The following STK32B variants were observed in gnomAD, a reference collection of about 807,000 sequenced individuals.
STK32B encodes the protein serine/threonine-protein kinase 32B.
Under a neutral mutation model 52.6 loss-of-function variants are expected in STK32B, and 43 were observed. That is an observed-to-expected ratio of 0.82 (90% confidence interval 0.64 to 1.05). The LOEUF (loss-of-function observed/expected upper bound fraction) is 1.05. Ranked by LOEUF, STK32B falls within the 50% of genes least tolerant of loss-of-function variation. The pLI, the probability that STK32B is intolerant of heterozygous loss-of-function variation, is 0.00. For synonymous variants in STK32B, 238 were observed against 204.3 expected (o/e 1.17, Z -1.41); for missense variants, 621 against 534.6 (o/e 1.16, Z -1.59).
intron 6 of STK32B, among the ~76,000 whole-genome samples, chr4:5,439,134 G>A (rs1304041263): frequency 2.0e-5 from 3 of 147,220 alleles, no homozygotes; most frequent in Non-Finnish European, 4.5e-5. Flanking sequence ...GGGATGGCTG[G>A]GTCAAATGGT....
At chr4:5,147,785 T>C (rs763923368) in intron 2 of STK32B, among the ~76,000 whole-genome samples, 3 of 152,020 alleles carry the variant, frequency 2.0e-5, no homozygotes, top group Non-Finnish European at 2.9e-5. Context: ...TGATACCTTA[T>C]TCTTTTTATG....
At chr4:5,352,973 A>C (rs1733935251) in intron 4 of STK32B, among the ~76,000 whole-genome samples, 1 of 152,196 alleles carries the variant, frequency 6.6e-6, no homozygotes, top group South Asian at 2.1e-4. Context: ...CATAAAGGAC[A>C]AAGCTTGAGG....
chr4:5,316,816 A>G (rs796658046), intron 3 of STK32B, among the ~76,000 whole-genome samples: 13 of 5,724 alleles, frequency 2.3e-3, no homozygotes, highest in South Asian at 8.2e-3. Flanking sequence ...TATATTATAT[A>G]TTATATCATA....
chr4:5,354,525 C>T lies in STK32B; in HGVS notation c.434+23132C>T, dbSNP rs550523021. On this transcript the variant is annotated intron_variant, in intron 4 of 11. Transcript: ENST00000282908. ...AGGTGATCCGCCCACCTTGACCTCTCAAAGTGCTGGGATTACAGGCGTGAC... is the reference window on the plus strand; with the variant it reads ...AGGTGATCCGCCCACCTTGACCTCTTAAAGTGCTGGGATTACAGGCGTGAC... Among the ~76,000 whole-genome samples the T allele has an allele frequency of 2.6e-5, 4 of 152,346 alleles. No individual in the cohort carries two copies. In the East Asian group the frequency reaches 7.7e-4, roughly 29 times the overall value.
chr4:5,220,264 T>A (rs902181758), intron 3 of STK32B, among the ~76,000 whole-genome samples: 1 of 152,218 alleles, frequency 6.6e-6, no homozygotes, highest in Non-Finnish European at 1.5e-5. Flanking sequence ...TCTGGCTTTG[T>A]GCCAGGCACG....
intron 3 of STK32B, among the ~76,000 whole-genome samples, chr4:5,207,725 T>G (rs1336610633): frequency 6.6e-6 from 1 of 151,632 alleles, no homozygotes; most frequent in Non-Finnish European, 1.5e-5. Flanking sequence ...CTTAAGAAAG[T>G]GTCTGAGACT....
intron 3 of STK32B, among the ~76,000 whole-genome samples, chr4:5,216,297 C>A (rs1482667000): frequency 2.0e-5 from 3 of 152,132 alleles, no homozygotes; most frequent in Admixed American, 6.5e-5. Context: ...AAGATAATCC[C>A]TTTATCTTGG....
chr4:5,290,652 TTTTAC>T (rs1228189033), intron 3 of STK32B, among the ~76,000 whole-genome samples: 1 of 152,182 alleles, frequency 6.6e-6, no homozygotes, highest in Non-Finnish European at 1.5e-5. Flanking sequence ...TAAACTTTAC[TTTTAC>T]TTTAAGGATA....
chr4:5,227,861 G>T (rs1202434787), intron 3 of STK32B, among the ~76,000 whole-genome samples: 1 of 152,198 alleles, frequency 6.6e-6, no homozygotes, highest in Non-Finnish European at 1.5e-5. Flanking sequence ...ATTTGAGGTA[G>T]TGAGAAATCC....
chr4:5,358,147 G>T (rs978944757), intron 4 of STK32B, among the ~76,000 whole-genome samples: 1 of 152,184 alleles, frequency 6.6e-6, no homozygotes, highest in Non-Finnish European at 1.5e-5. Flanking sequence ...TTCCCTAAAG[G>T]GATTGTTCCA....
rs1720660295 is a variant in STK32B, at chr4:5,500,710, A to G, written c.*1627A>G. 6.6e-6 allele frequency: 1 copy of G among 152,174 alleles called. No homozygotes were observed. Among genetic ancestry groups the G allele is most frequent in the African/African-American group, 2.4e-5 (1 of 41,424 alleles). The allele number at this position is 152,174 out of a possible 1,614,324, so 9.4% of individuals were successfully genotyped here. On this transcript the variant is annotated 3_prime_UTR_variant, in exon 12 of 12. Transcript: ENST00000282908. ...TGTTTTCCTCCTTTCAACCGAGACT[A>G]TTTCTGGATTGTGTGCTCCTCGTCA...
Position 5,316,942 on chromosome 4 carries a change from TATA to T in STK32B, c.261-14274_261-14272del, listed in dbSNP as rs1333424898. Among the ~76,000 whole-genome samples, 19 of 28,574 alleles carry T rather than the reference TATA, an allele frequency of 6.6e-4. 1 individual carries two copies. In the East Asian group the frequency reaches 0.023, roughly 34 times the overall value. 18.7% of individuals were successfully genotyped at this position (28,574 alleles called of 152,430 possible). On this transcript the variant is annotated intron_variant, in intron 3 of 11. Transcript: ENST00000282908. ...TATAATATATATAATATATATAATA[TATA>T]ATATGTATGATATAATATATATAAT... is the stretch of plus-strand genomic sequence containing the variant.
chr4:5,228,846 A>G (rs1030139700), intron 3 of STK32B, among the ~76,000 whole-genome samples: 2 of 152,156 alleles, frequency 1.3e-5, no homozygotes, highest in Admixed American at 1.3e-4. Flanking sequence ...GGGTGCCTGT[A>G]ATCCCAGCTA....
At chr4:5,387,032 C>T (rs1176698281) in intron 4 of STK32B, among the ~76,000 whole-genome samples, 2 of 152,194 alleles carry the variant, frequency 1.3e-5, no homozygotes, top group Non-Finnish European at 2.9e-5. Context: ...ACCACGTGAT[C>T]GTGGCAAGAT....
At chr4:5,025,785 C>T in the STK32B span, among the ~76,000 whole-genome samples, 2 of 152,212 alleles carry the variant, frequency 1.3e-5, no homozygotes. Flanking sequence ...GGTACTGGCC[C>T]AACAGAGGAG....
At chr4:5,384,082 A>G (rs976510671) in intron 4 of STK32B, among the ~76,000 whole-genome samples, 1 of 152,212 alleles carries the variant, frequency 6.6e-6, no homozygotes, top group Admixed American at 6.5e-5. Flanking sequence ...GGCAGAGGCC[A>G]TAGCGGGGGA....
At chr4:5,245,154 ATCTG>A (rs1389316730) in intron 3 of STK32B, among the ~76,000 whole-genome samples, 2 of 152,248 alleles carry the variant, frequency 1.3e-5, no homozygotes, top group Non-Finnish European at 2.9e-5. Flanking sequence ...TGTCTCGTTG[ATCTG>A]TCTAATGTTG....
chr4:5,318,925 C>G (rs6820678), intron 3 of STK32B, among the ~76,000 whole-genome samples: 36,031 of 151,656 alleles, frequency 0.24, 7,030 homozygotes, highest in African/African-American at 0.55. Flanking sequence ...TCAGCCTCCT[C>G]AGTATCTGGG....
chr4:5,403,847 A>G (rs1377827981), intron 5 of STK32B, among the ~76,000 whole-genome samples: 1 of 152,114 alleles, frequency 6.6e-6, no homozygotes, highest in Non-Finnish European at 1.5e-5. Context: ...AGGGAGAGGA[A>G]GCCACTCATA....
Sources: gnomAD v4.1 joint callset for allele counts (sites outside exome capture counted in the v4.1 genomes callset) on GRCh38, gnomAD v4.1.1 for gene constraint, MANE v1.5 for transcripts, NCBI Gene and HGNC (gene_info 2026-07-23, HGNC 2026-07-21) for gene names.